The following NOL4 variants were observed in gnomAD, a reference collection of about 807,000 sequenced individuals.
NOL4 encodes nucleolar protein 4.
A neutral mutation model predicts 75.9 loss-of-function variants in NOL4; 17 were observed. That is an observed-to-expected ratio of 0.22 (90% CI 0.15 to 0.34). The LOEUF (loss-of-function observed/expected upper bound fraction) is 0.34, where lower values mean the gene tolerates loss of function less well. Among genes scored for constraint, NOL4 ranks in the 10% least tolerant of loss-of-function variants. The probability of loss-of-function intolerance (pLI) is 1.00; values close to 1 mark genes in which losing one functional copy is unlikely to be tolerated. For missense variants in NOL4, 614 were observed against 793.5 expected (o/e 0.77, Z 2.72); for synonymous variants, 292 against 289.9 (o/e 1.01, Z -0.07).
At chr18:34,053,626 T>C (rs4319840) in intron 5 of NOL4, among the ~76,000 whole-genome samples, 126,544 of 151,784 alleles carry the variant, frequency 0.83, 52,902 homozygotes, top group East Asian at 0.97. Flanking sequence ...TTTTCATACA[T>C]AATGTCCAGA....
chr18:34,178,873 A>T (rs2146315865), intron 1 of NOL4, among the ~76,000 whole-genome samples: 1 of 151,840 alleles, frequency 6.6e-6, no homozygotes, highest in Non-Finnish European at 1.5e-5. Flanking sequence ...ACTTCATCCA[A>T]CAATAGCTAA....
intron 6 of NOL4, among the ~76,000 whole-genome samples, chr18:33,972,449 T>C: frequency 6.6e-6 from 1 of 152,246 alleles, no homozygotes; most frequent in Admixed American, 6.5e-5. Context: ...GGCAACTATA[T>C]ATATATTTTT....
chr18:34,140,050 G>T (rs549894923), intron 1 of NOL4, among the ~76,000 whole-genome samples: 1 of 152,276 alleles, frequency 6.6e-6, no homozygotes, highest in African/African-American at 2.4e-5. Context: ...GAGACAGTTT[G>T]CTATAATTTC....
chr18:33,957,865 C>A (rs1600052070), intron 7 of NOL4, among the ~76,000 whole-genome samples: 1 of 152,240 alleles, frequency 6.6e-6, no homozygotes, highest in East Asian at 1.9e-4. Flanking sequence ...TGCTACACTG[C>A]ACAGTGGACT....
At chr18:34,114,868 A>T (rs1383977848) in intron 2 of NOL4, among the ~76,000 whole-genome samples, 1 of 152,098 alleles carries the variant, frequency 6.6e-6, no homozygotes, top group Non-Finnish European at 1.5e-5. Context: ...CAGGGAAAGC[A>T]GACAAAAAAA....
At chr18:34,184,416 A>G (rs2034297123) in intron 1 of NOL4, among the ~76,000 whole-genome samples, 1 of 152,094 alleles carries the variant, frequency 6.6e-6, no homozygotes, top group African/African-American at 2.4e-5. Context: ...AAAGAGTCAA[A>G]GAGCATTTAG....
At chr18:34,139,273 T>G (rs2081036793) in intron 1 of NOL4, among the ~76,000 whole-genome samples, 1 of 152,218 alleles carries the variant, frequency 6.6e-6, no homozygotes, top group Non-Finnish European at 1.5e-5. Flanking sequence ...TCCTTGTACC[T>G]CTAGTAGAAT....
chr18:34,180,588 C>T (rs924659357), intron 1 of NOL4, among the ~76,000 whole-genome samples: 1 of 151,196 alleles, frequency 6.6e-6, no homozygotes, highest in African/African-American at 2.4e-5. Context: ...CACTTCTATT[C>T]AACACTATAG....
intron 10 of NOL4, among the ~76,000 whole-genome samples, chr18:33,858,401 CA>C (rs894572805): frequency 6.6e-6 from 1 of 151,464 alleles, no homozygotes. Flanking sequence ...AAAAAAAAAT[CA>C]ACTATAAAAC....
intron 9 of NOL4, among the ~76,000 whole-genome samples, chr18:33,930,028 C>G (rs1385135555): frequency 2.6e-5 from 4 of 152,030 alleles, no homozygotes; most frequent in Admixed American, 2.6e-4. Context: ...CAACAGAATT[C>G]AGGTCTAATA....
At chr18:34,114,054 G>A (rs2079734856) in intron 2 of NOL4, among the ~76,000 whole-genome samples, 1 of 152,108 alleles carries the variant, frequency 6.6e-6, no homozygotes, top group African/African-American at 2.4e-5. Flanking sequence ...AATTTAAAAA[G>A]ATTTTGATTC....
chr18:34,007,045 T>TCTTA (rs1407145293), intron 6 of NOL4, among the ~76,000 whole-genome samples: 3 of 151,888 alleles, frequency 2.0e-5, no homozygotes, highest in African/African-American at 7.3e-5. Context: ...GGCCTACAGG[T>TCTTA]CTTAGTTCCA....
chr18:34,200,943 T>C (rs2035690812), intron 1 of NOL4, among the ~76,000 whole-genome samples: 1 of 151,756 alleles, frequency 6.6e-6, no homozygotes, highest in Non-Finnish European at 1.5e-5. Flanking sequence ...GATCAGCTTC[T>C]GACTTAAAAA....
intron 1 of NOL4, among the ~76,000 whole-genome samples, chr18:34,208,802 C>T (rs546366943): frequency 7.2e-5 from 11 of 151,812 alleles, no homozygotes; most frequent in Non-Finnish European, 1.6e-4. Context: ...GCGGAGGTTG[C>T]AGTAAGCCGA....
rs1466034650 is a variant in NOL4, at chr18:33,851,719, G to C, written c.*1123C>G. On this transcript the variant is annotated 3_prime_UTR_variant, in exon 11 of 11. Transcript: ENST00000261592. ...AAAGAAGGGTAAAGTATGGGGGATA[G>C]GAGGGCACAGTTCATTGTAAGTTGC... 1.3e-5 allele frequency: 2 copies of C among 152,430 alleles called. No homozygotes were observed. Among genetic ancestry groups the C allele is most frequent in the East Asian group, 3.9e-4 (2 of 5,186 alleles). The allele number at this position is 152,430 out of a possible 1,614,324, so 9.4% of individuals were successfully genotyped here. A position where few individuals can be genotyped will look rare whatever the true frequency, so the allele number is the denominator to read the frequency against.
At chr18:34,012,171 A>T (rs2074410585) in intron 6 of NOL4, among the ~76,000 whole-genome samples, 1 of 151,932 alleles carries the variant, frequency 6.6e-6, no homozygotes. Flanking sequence ...TCAAAAGGAC[A>T]CTGATTTGGG....
intron 2 of NOL4, 126 bp from the exon 3 acceptor site, chr18:34,105,286 T>A (rs917426435): frequency 3.1e-6 from 2 of 645,002 alleles, no homozygotes; most frequent in Non-Finnish European, 5.6e-6. Flanking sequence ...AATGAAAGCA[T>A]GCATTGCATA....
At chr18:34,032,052 C>T (rs1219833809) in intron 5 of NOL4, among the ~76,000 whole-genome samples, 1 of 152,222 alleles carries the variant, frequency 6.6e-6, no homozygotes, top group Admixed American at 6.5e-5. Context: ...GCTAGACAAG[C>T]CCTGGCTCTT....
rs548708841 is a variant in NOL4 at position 33,940,229 on chromosome 18, T to G, written c.1542+2836A>C. On this transcript the variant is annotated intron_variant, in intron 9 of 10. Transcript: ENST00000261592. ...ATATACCCAAAGGATTATAAATCAT[T>G]CTGCTATAAAGACACATGCACATGT... Among the ~76,000 whole-genome samples the G allele has an allele frequency of 1.6e-3, 239 of 152,156 alleles. 2 individuals are homozygous for G. Among genetic ancestry groups the G allele is most frequent in the African/African-American group, 5.3e-3 (220 of 41,534 alleles).
Sources: allele counts gnomAD v4.1 joint callset (sites outside exome capture counted in the v4.1 genomes callset), GRCh38; gene constraint gnomAD v4.1.1; transcripts MANE v1.5; gene names NCBI Gene and HGNC (gene_info 2026-07-23, HGNC 2026-07-21).